Variants in CASP5 observed in about 807,000 individuals in gnomAD.
CASP5 encodes caspase-5.
CASP5 carries 42 observed loss-of-function variants against 45.2 expected under a neutral mutation model. The ratio of observed to expected loss-of-function variants is 0.93; its 90% CI spans 0.73 to 1.20. The LOEUF is 1.20. Among genes scored for constraint, CASP5 ranks in the 50% most tolerant of loss-of-function variants. The pLI is 0.00. For missense variants in CASP5, 512 were observed against 532.2 expected (o/e 0.96, Z 0.37); for synonymous variants, 209 against 186.2 (o/e 1.12, Z -1.00).
In CASP5 at chr11:105,008,934, G is replaced by C; in HGVS notation, c.54C>G (p.Phe18Leu). 6.2e-7 allele frequency: 1 copy of C among 1,611,742 alleles called. No homozygotes were observed. Among genetic ancestry groups the C allele is most frequent in the Middle Eastern group, 1.7e-4 (1 of 6,056 alleles). Residue 18 changes from phenylalanine (F) to leucine (L), a missense_variant, in exon 2 of 10, where the codon TTC becomes TTG. Physicochemically the swap from Phe to Leu is conservative, Grantham distance 22. Coordinates refer to ENST00000260315, the MANE Select transcript of CASP5 (RefSeq NM_004347.5). ...KKRRKNFEAM[F>L]KGILQSGLDN... is the part of the protein sequence containing the mutation. ...CCAATCCACTCTGAAGGATACCTTT[G>C]AACATAGCTTCAAAATTCTTACGCC...
intron 5 of CASP5, among the ~76,000 whole-genome samples, chr11:105,001,480 C>T (rs1298225856): frequency 2.0e-5 from 3 of 152,154 alleles, no homozygotes; most frequent in Non-Finnish European, 4.4e-5. Flanking sequence ...TCCTGGCTAA[C>T]AAGGTGAAAC....
intron 6 of CASP5, among the ~76,000 whole-genome samples, chr11:104,999,931 T>C (rs1412791415): frequency 6.6e-6 from 1 of 152,240 alleles, no homozygotes; most frequent in Non-Finnish European, 1.5e-5. Context: ...AATGTCAACA[T>C]GTCTGTAAAT....
chr11:105,005,514 G>A (rs61537972), intron 3 of CASP5, among the ~76,000 whole-genome samples: 3,958 of 152,138 alleles, frequency 0.026, 169 homozygotes, highest in African/African-American at 0.088. Context: ...GCCAAGGCCT[G>A]TACCTCTTCT....
intron 6 of CASP5, 138 bp from the exon 7 acceptor site, chr11:104,999,166 CAT>C (rs1861610322): frequency 1.5e-6 from 1 of 680,472 alleles, no homozygotes; most frequent in East Asian, 2.9e-5. Context: ...TTTAAGCCCA[CAT>C]GCATTAAGTA....
intron 1 of CASP5, among the ~76,000 whole-genome samples, chr11:105,021,602 A>T (rs917495079): frequency 1.3e-5 from 2 of 148,662 alleles, no homozygotes; most frequent in Non-Finnish European, 1.5e-5. Context: ...AATCAAAACC[A>T]CAATGAGATA....
chr11:105,010,029 C>T (rs1000293569), intron 1 of CASP5, among the ~76,000 whole-genome samples: 4 of 150,186 alleles, frequency 2.7e-5, no homozygotes, highest in African/African-American at 9.7e-5. Context: ...CCAGATATCT[C>T]CTCTCTTCTG....
chr11:104,996,191 C>T (rs980970316), intron 8 of CASP5, among the ~76,000 whole-genome samples: 1 of 152,140 alleles, frequency 6.6e-6, no homozygotes, highest in Admixed American at 6.6e-5. Context: ...CAACCCCCAC[C>T]AACGCTGATT....
chr11:105,011,623 A>C (rs1210346849), intron 1 of CASP5, among the ~76,000 whole-genome samples: 1 of 151,810 alleles, frequency 6.6e-6, no homozygotes. Context: ...CAAAAACAAC[A>C]TGCAAAAATT....
intron 9 of CASP5, chr11:104,995,292 C>T (rs1227072301): frequency 2.0e-5 from 3 of 153,176 alleles, no homozygotes; most frequent in African/African-American, 7.2e-5. Context: ...GATATGTGCA[C>T]TCAGAGGACC....
At chr11:105,005,766 C>T (rs577272784) in intron 3 of CASP5, among the ~76,000 whole-genome samples, 82 of 152,150 alleles carry the variant, frequency 5.4e-4, no homozygotes, top group African/African-American at 1.5e-3. Flanking sequence ...TTTTGAAGCC[C>T]GTATTGCTAC....
chr11:104,994,948 G>A (rs1244575820), intron 9 of CASP5, among the ~76,000 whole-genome samples: 1 of 152,232 alleles, frequency 6.6e-6, no homozygotes, highest in Non-Finnish European at 1.5e-5. Flanking sequence ...AGACAGCCAA[G>A]TAAAAAGGGC....
At chr11:104,997,053 G>T (rs1348114647) in intron 8 of CASP5, among the ~76,000 whole-genome samples, 1 of 152,138 alleles carries the variant, frequency 6.6e-6, no homozygotes, top group Admixed American at 6.6e-5. Context: ...TCATCAGGAT[G>T]AAGCCCCTCA....
intron 7 of CASP5, among the ~76,000 whole-genome samples, chr11:104,998,604 G>C (rs1383711993): frequency 6.6e-6 from 1 of 152,188 alleles, no homozygotes. Context: ...TTTACATGGT[G>C]TGTGGCGAAT....
In CASP5 at chr11:104,999,048, C is replaced by CT. The variant is rs369278753; in HGVS notation, c.953-21dup. ...GTTTTTCTGTAGAGACATCAACTTT[C>CT]TTTTTTTTTTATGTTACTTTAAGTT... On this transcript the variant is annotated intron_variant, in intron 6 of 9. Transcript: ENST00000260315. 0.01 allele frequency: 13,728 copies of CT among 1,366,404 alleles called. 6 individuals carry two copies. The highest frequency in any genetic ancestry group is 0.011 in the Non-Finnish European group (11,402 of 1,015,132). The allele number at this position is 1,366,404 out of a possible 1,614,324, so 84.6% of individuals were successfully genotyped here. A position where few individuals can be genotyped will look rare whatever the true frequency, so the allele number is the denominator to read the frequency against.
Position 105,002,029 on chromosome 11 carries a change from C to T in CASP5, c.716G>A (p.Arg239Lys), listed in dbSNP as rs755393494. The T allele has an allele frequency of 6.2e-6, 10 of 1,613,900 alleles. No individual in the cohort carries two copies. Among genetic ancestry groups the T allele is most frequent in the Non-Finnish European group, 8.5e-6 (10 of 1,179,940 alleles). The change falls in exon 5 of 10, where the codon AGG becomes AAG. Residue 239 changes from arginine to lysine, a missense_variant and splice_region_variant. Arg to Lys is a conservative substitution (Grantham distance 26). Coordinates refer to ENST00000260315, the MANE Select transcript of CASP5 (RefSeq NM_004347.5). ...TVVDEKNLTA[R>K]DMESVLRAFA... is the part of the protein sequence containing the mutation. ...GTGAGATGGCTTAGGGGTTCTTACC[C>T]TGGCTGTGAGATTCTTTTCGTCAAC...
chr11:105,003,286 T>G lies in CASP5; in HGVS notation c.531A>C (p.Lys177Asn), dbSNP rs1264462053. 1.3e-6 allele frequency: 2 copies of G among 1,593,664 alleles called. No homozygotes were observed. Among genetic ancestry groups the G allele is most frequent in the Admixed American group, 1.7e-5 (1 of 59,330 alleles). The change falls in exon 4 of 10, where the codon AAA becomes AAC. Residue 177 changes from lysine (K) to asparagine (N), a missense_variant. By Grantham distance (94) the Lys-to-Asn change is moderately conservative. Coordinates refer to ENST00000260315, the MANE Select transcript of CASP5 (RefSeq NM_004347.5). ...GAGAGCACAGCACCTCATCATGATTTTTTTTACACAGTCTCAGGAATTCTT... is the reference window on the plus strand; with the variant it reads ...GAGAGCACAGCACCTCATCATGATTGTTTTTACACAGTCTCAGGAATTCTT... ...PREEFLRLCK[K>N]NHDEIYPIKK...
chr11:104,998,411 TA>T (rs1861563839), intron 7 of CASP5, among the ~76,000 whole-genome samples: 1 of 152,220 alleles, frequency 6.6e-6, no homozygotes, highest in Non-Finnish European at 1.5e-5. Flanking sequence ...TTACCTTTTT[TA>T]AAGCTCATTC....
chr11:105,022,178 G>A (rs1161877325), intron 1 of CASP5, among the ~76,000 whole-genome samples: 2 of 111,626 alleles, frequency 1.8e-5, no homozygotes, highest in Admixed American at 1.1e-4. Context: ...GGGGAGGGGG[G>A]AGGGATAGCA....
intron 1 of CASP5, among the ~76,000 whole-genome samples, chr11:105,015,668 G>A (rs746616772): frequency 6.6e-6 from 1 of 151,772 alleles, no homozygotes; most frequent in Non-Finnish European, 1.5e-5. Flanking sequence ...AGTAAAGTCA[G>A]CCTGCCCGGC....
Sources: allele counts gnomAD v4.1 joint callset (sites outside exome capture counted in the v4.1 genomes callset), GRCh38; gene constraint gnomAD v4.1.1; transcripts MANE v1.5; gene names NCBI Gene and HGNC (gene_info 2026-07-23, HGNC 2026-07-21).